KATNAL1: variants seen among roughly 807,000 people sequenced by gnomAD.
The protein encoded by KATNAL1 is katanin catalytic subunit A1 like 1.
In KATNAL1, 32 loss-of-function variants were observed where a neutral mutation model predicts 55.2. The observed-to-expected ratio is 0.58, with a 90% CI of 0.44 to 0.78. The LOEUF (loss-of-function observed/expected upper bound fraction) is 0.78, where lower values mean the gene tolerates loss of function less well. KATNAL1 is among the 30% of genes least tolerant of loss of function. KATNAL1 has a pLI of 0.00. For synonymous variants in KATNAL1, 193 were observed against 193.6 expected (o/e 1.00, Z 0.02); for missense variants, 466 against 600.9 (o/e 0.78, Z 2.35).
At chr13:30,222,109 A>G (rs1180559860) in intron 9 of KATNAL1, among the ~76,000 whole-genome samples, 1 of 152,190 alleles carries the variant, frequency 6.6e-6, no homozygotes, top group Non-Finnish European at 1.5e-5. Context: ...ATGTTTTTCA[A>G]TGAGATTAAC....
chr13:30,280,019 C>G, intron 3 of KATNAL1, 44 bp downstream of exon 3: 1 of 1,528,330 alleles, frequency 6.5e-7, no homozygotes, highest in Non-Finnish European at 8.8e-7. Flanking sequence ...CTGTGAACAT[C>G]AATTAACTAG....
chr13:30,269,835 C>A (rs1260499821), intron 3 of KATNAL1, among the ~76,000 whole-genome samples: 1 of 151,176 alleles, frequency 6.6e-6, no homozygotes, highest in South Asian at 2.1e-4. Context: ...CCCCTCCGCC[C>A]GGCAGCCACC....
chr13:30,208,506 C>CA lies in KATNAL1; in HGVS notation c.*33dup, dbSNP rs745975629. 4.2e-6 allele frequency: 6 copies of CA among 1,437,020 alleles called. No individual in the cohort carries two copies. Among genetic ancestry groups the CA allele is most frequent in the Admixed American group, 2.5e-5 (1 of 40,084 alleles). The allele number at this position is 1,437,020 out of a possible 1,614,324, so 89.0% of individuals were successfully genotyped here. A position where few individuals can be genotyped will look rare whatever the true frequency, so the allele number is the denominator to read the frequency against. ...CAGGAATTTCTTCGTATTTTATCAA[C>CA]AAAAATACCAGAAATTAAAGAGCTG... On this transcript the variant is annotated 3_prime_UTR_variant, in exon 11 of 11. Transcript: ENST00000380615.
At position 30,207,019 on chromosome 13, in the gene KATNAL1, A is replaced by T. The variant is rs985905582; in HGVS notation, c.*1521T>A. The T allele has an allele frequency of 2.0e-5, 3 of 152,200 alleles. No individual in the cohort carries two copies. Among genetic ancestry groups the T allele is most frequent in the African/African-American group, 4.8e-5 (2 of 41,458 alleles). The allele number at this position is 152,200 out of a possible 1,614,324, so 9.4% of individuals were successfully genotyped here. On this transcript the variant is annotated 3_prime_UTR_variant, in exon 11 of 11. Coordinates refer to ENST00000380615, the MANE Select transcript of KATNAL1 (RefSeq NM_032116.5). ...AGAACATAAGGCATTTACAGTTTTT[A>T]GCAGGGAAAAATAATCAAATCTCTT...
chr13:30,264,513 C>T (rs1314073755), intron 3 of KATNAL1, among the ~76,000 whole-genome samples: 2 of 148,746 alleles, frequency 1.3e-5, no homozygotes, highest in African/African-American at 2.5e-5. Flanking sequence ...CTACAATGAA[C>T]TCAAATTTAC....
chr13:30,230,516 G>T lies in KATNAL1; in HGVS notation c.964C>A (p.His322Asn). Reference protein sequence around the residue: ...ICSRRGTSDEHEASRRVKSEL... With the variant: ...ICSRRGTSDENEASRRVKSEL... Reference sequence around the variant, plus strand: ...GACTTGACCCTGCGACTTGCCTCATGTTCATCAGAGGTTCCTCTTCGACTG... The same window carrying T: ...GACTTGACCCTGCGACTTGCCTCATTTTCATCAGAGGTTCCTCTTCGACTG... Residue 322 changes from histidine to asparagine, a missense_variant, in exon 8 of 11, where the codon CAT becomes AAT. Physicochemically the swap from His to Asn is moderately conservative, Grantham distance 68. Coordinates refer to ENST00000380615, the MANE Select transcript of KATNAL1 (RefSeq NM_032116.5). 1 of 1,613,050 alleles carries T rather than the reference G, an allele frequency of 6.2e-7. No individual in the cohort carries two copies.
chr13:30,294,038 A>T (rs531340654), intron 1 of KATNAL1, among the ~76,000 whole-genome samples: 2 of 152,172 alleles, frequency 1.3e-5, no homozygotes, highest in Non-Finnish European at 1.5e-5. Context: ...TGACTGCCCT[A>T]CCAATAGGCT....
intron 1 of KATNAL1, among the ~76,000 whole-genome samples, chr13:30,299,727 C>A (rs1319036061): frequency 1.3e-5 from 2 of 152,166 alleles, no homozygotes; most frequent in Non-Finnish European, 2.9e-5. Context: ...GTATTTACTG[C>A]TGAACTGACC....
At chr13:30,264,540 A>G (rs930241713) in intron 3 of KATNAL1, among the ~76,000 whole-genome samples, 8 of 151,050 alleles carry the variant, frequency 5.3e-5, no homozygotes, top group Admixed American at 2.6e-4. Flanking sequence ...AAAACAAACA[A>G]CCCCATCAAA....
chr13:30,216,730 C>T (rs973637397), intron 9 of KATNAL1, among the ~76,000 whole-genome samples: 1 of 152,126 alleles, frequency 6.6e-6, no homozygotes, highest in Non-Finnish European at 1.5e-5. Context: ...CTGTGCCTAC[C>T]GATACAGAAG....
At chr13:30,273,150 C>T (rs1382023536) in intron 3 of KATNAL1, among the ~76,000 whole-genome samples, 3 of 152,234 alleles carry the variant, frequency 2.0e-5, no homozygotes, top group Non-Finnish European at 2.9e-5. Flanking sequence ...AGCACACAAA[C>T]ATCCTGTTAT....
intron 1 of KATNAL1, among the ~76,000 whole-genome samples, chr13:30,284,382 G>A (rs916566132): frequency 1.3e-5 from 2 of 151,962 alleles, no homozygotes; most frequent in African/African-American, 2.4e-5. Flanking sequence ...AATTACCATA[G>A]GCTGCAATAA....
Position 30,233,305 on chromosome 13 carries a change from T to C in KATNAL1, c.727-1833A>G, listed in dbSNP as rs373788422. On this transcript the variant is annotated intron_variant, in intron 6 of 10. Coordinates refer to ENST00000380615, the MANE Select transcript of KATNAL1 (RefSeq NM_032116.5). Reference sequence around the variant, plus strand: ...TTTTAAAATGGGCAAAAGGTCAAAATAGACATTTCTCAAAAGAAGACATAC... The same window carrying C: ...TTTTAAAATGGGCAAAAGGTCAAAACAGACATTTCTCAAAAGAAGACATAC... 2.7e-4 allele frequency among the ~76,000 whole-genome samples: 41 copies of C among 152,156 alleles called. No homozygotes were observed. The South Asian group carries it at 3.9e-3, about 15-fold the overall frequency.
chr13:30,243,950 C>CT (rs1156358839), intron 4 of KATNAL1, among the ~76,000 whole-genome samples: 1 of 152,010 alleles, frequency 6.6e-6, no homozygotes, highest in Non-Finnish European at 1.5e-5. Context: ...TTAAATTATA[C>CT]TTTAAGTTCT....
At chr13:30,234,141 A>C (rs896310298) in intron 6 of KATNAL1, among the ~76,000 whole-genome samples, 1 of 152,204 alleles carries the variant, frequency 6.6e-6, no homozygotes, top group African/African-American at 2.4e-5. Flanking sequence ...AAATTATGTG[A>C]ATGTATTAAA....
At chr13:30,215,153 G>A (rs1874087253) in intron 9 of KATNAL1, among the ~76,000 whole-genome samples, 1 of 151,674 alleles carries the variant, frequency 6.6e-6, no homozygotes, top group Non-Finnish European at 1.5e-5. Context: ...CATTTATGCA[G>A]CCAAAAAACA....
intron 2 of KATNAL1, among the ~76,000 whole-genome samples, chr13:30,282,954 C>CAA (rs557715370): frequency 3.8e-5 from 3 of 79,678 alleles, no homozygotes; most frequent in African/African-American, 9.5e-5. Context: ...GACTCCGTCT[C>CAA]AAAAAAAAAA....
rs559067550 is a variant in KATNAL1, at chr13:30,261,776, T to G, written c.324-6161A>C. ...TCCCACACATTAATAATGGGAGACT[T>G]TAACACCCCACTGTCAACATTAGAC... On this transcript the variant is annotated intron_variant, in intron 3 of 10. Coordinates refer to ENST00000380615, the MANE Select transcript of KATNAL1 (RefSeq NM_032116.5). 4.4e-4 allele frequency among the ~76,000 whole-genome samples: 67 copies of G among 152,128 alleles called. 1 individual carries two copies. Among genetic ancestry groups the G allele is most frequent in the Middle Eastern group, 3.4e-3 (1 of 294 alleles).
chr13:30,209,864 C>T (rs1428011655), intron 10 of KATNAL1, among the ~76,000 whole-genome samples: 1 of 152,142 alleles, frequency 6.6e-6, no homozygotes, highest in African/African-American at 2.4e-5. Context: ...TCACTGCAAG[C>T]TCCACCTCCC....
Sources: allele counts gnomAD v4.1 joint callset (sites outside exome capture counted in the v4.1 genomes callset), GRCh38; gene constraint gnomAD v4.1.1; transcripts MANE v1.5; gene names NCBI Gene and HGNC (gene_info 2026-07-23, HGNC 2026-07-21).